BAALC: variants seen among roughly 807,000 people sequenced by gnomAD.
BAALC encodes the protein BAALC binder of MAP3K1 and KLF4, also known as brain and acute leukemia cytoplasmic protein.
Under a neutral mutation model 15.5 loss-of-function variants are expected in BAALC, and 9 were observed. The ratio of observed to expected loss-of-function variants is 0.58; its 90% CI spans 0.35 to 1.02. The LOEUF (loss-of-function observed/expected upper bound fraction) is 1.02, where lower values mean the gene tolerates loss of function less well. Among genes scored for constraint, BAALC ranks in the 50% least tolerant of loss-of-function variants. The pLI, the probability that BAALC is intolerant of heterozygous loss-of-function variation, is 0.02. For synonymous variants in BAALC, 80 were observed against 74.6 expected, an observed-to-expected ratio of 1.07 and a Z score of -0.37; for missense variants, 201 against 192.4, an observed-to-expected ratio of 1.04 and a Z score of -0.27.
chr8:103,196,543 A>T (rs1812102823), intron 1 of BAALC, among the ~76,000 whole-genome samples: 1 of 152,060 alleles, frequency 6.6e-6, no homozygotes, highest in Admixed American at 6.5e-5. Flanking sequence ...GACCTCCCAA[A>T]GTGTTAGGAT....
chr8:103,194,029 G>A (rs559920269), intron 1 of BAALC, among the ~76,000 whole-genome samples: 42 of 152,202 alleles, frequency 2.8e-4, no homozygotes, highest in African/African-American at 9.6e-4. Flanking sequence ...GCTTTGTCTC[G>A]CAAGAAAAAA....
At chr8:103,206,446 C>T (rs1048998072) in intron 1 of BAALC, among the ~76,000 whole-genome samples, 4 of 152,096 alleles carry the variant, frequency 2.6e-5, no homozygotes, top group Admixed American at 2.6e-4. Context: ...CCAAGACAAC[C>T]TGCAAGGAGG....
intron 1 of BAALC, among the ~76,000 whole-genome samples, chr8:103,164,186 C>G (rs969252766): frequency 6.6e-6 from 1 of 152,044 alleles, no homozygotes; most frequent in East Asian, 1.9e-4. Flanking sequence ...CCAGGAGGGG[C>G]CCCCAGTAGT....
intron 1 of BAALC, among the ~76,000 whole-genome samples, chr8:103,188,628 G>A (rs867557350): frequency 3.3e-5 from 5 of 152,178 alleles, no homozygotes; most frequent in African/African-American, 1.2e-4. Flanking sequence ...GAAATGTAGA[G>A]ATTTCTAAAG....
intron 1 of BAALC, among the ~76,000 whole-genome samples, chr8:103,193,297 A>T (rs916168625): frequency 6.6e-6 from 1 of 152,172 alleles, no homozygotes; most frequent in East Asian, 1.9e-4. Context: ...TCAACCTCTG[A>T]TCTCCTGGTT....
rs142852741 is a variant in BAALC, at chr8:103,187,349, T to A, written c.161-25570T>A. 2.7e-3 allele frequency among the ~76,000 whole-genome samples: 405 copies of A among 152,298 alleles called. 4 individuals are homozygous for A. Among genetic ancestry groups the A allele is most frequent in the African/African-American group, 9.3e-3 (386 of 41,564 alleles). On this transcript the variant is annotated intron_variant, in intron 1 of 2. Coordinates refer to ENST00000309982, the MANE Select transcript of BAALC (RefSeq NM_024812.3). Reference sequence around the variant, plus strand: ...TACAAGGTGGGAGTGGGGATGCTATTGGCATCCAGTCGGGTAGAGACCAGG... The same window carrying A: ...TACAAGGTGGGAGTGGGGATGCTATAGGCATCCAGTCGGGTAGAGACCAGG...
chr8:103,221,235 A>C (rs1812672354), intron 2 of BAALC, among the ~76,000 whole-genome samples: 1 of 152,334 alleles, frequency 6.6e-6, no homozygotes, highest in African/African-American at 2.4e-5. Flanking sequence ...TATCAAGAAG[A>C]CTAAAATCTA....
chr8:103,150,971 G>T (rs776949281), intron 1 of BAALC, among the ~76,000 whole-genome samples: 2 of 151,800 alleles, frequency 1.3e-5, no homozygotes, highest in Non-Finnish European at 2.9e-5. Context: ...CACCCTCCCT[G>T]CTACTTTGTT....
intron 1 of BAALC, among the ~76,000 whole-genome samples, chr8:103,154,055 G>C (rs1216088760): frequency 1.3e-5 from 2 of 152,110 alleles, no homozygotes; most frequent in Admixed American, 1.3e-4. Context: ...CACTTTTCAA[G>C]GGCAGTCTTC....
intron 1 of BAALC, among the ~76,000 whole-genome samples, chr8:103,162,011 A>G (rs1057404414): frequency 6.6e-6 from 1 of 152,068 alleles, no homozygotes; most frequent in Non-Finnish European, 1.5e-5. Flanking sequence ...CCCAGGCTGA[A>G]GCACAGTGAT....
intron 1 of BAALC, among the ~76,000 whole-genome samples, chr8:103,186,237 C>T (rs1811834620): frequency 6.6e-6 from 1 of 152,154 alleles, no homozygotes. Context: ...AAGGCACCTG[C>T]TAAGTGTCAG....
intron 1 of BAALC, among the ~76,000 whole-genome samples, chr8:103,194,856 C>T (rs1812057040): frequency 6.6e-6 from 1 of 152,146 alleles, no homozygotes; most frequent in African/African-American, 2.4e-5. Flanking sequence ...ACGCTAGTTT[C>T]CTTCGGCCCA....
intron 1 of BAALC, chr8:103,198,236 T>C (rs1199950132): frequency 1.6e-6 from 1 of 631,100 alleles, no homozygotes; most frequent in Non-Finnish European, 2.8e-6. Flanking sequence ...TCTGTTCTTA[T>C]GTATCATTAT....
At chr8:103,182,421 T>C (rs1811748182) in intron 1 of BAALC, among the ~76,000 whole-genome samples, 2 of 152,362 alleles carry the variant, frequency 1.3e-5, no homozygotes, top group South Asian at 2.1e-4. Context: ...CATGTGGTTA[T>C]ATACGGAACA....
intron 1 of BAALC, among the ~76,000 whole-genome samples, chr8:103,203,824 A>G (rs924136136): frequency 5.9e-5 from 9 of 152,336 alleles, no homozygotes; most frequent in Middle Eastern, 3.4e-3. Flanking sequence ...TTATTTATCT[A>G]TTCATCAATT....
intron 1 of BAALC, among the ~76,000 whole-genome samples, chr8:103,161,882 T>A (rs764208556): frequency 7.2e-5 from 11 of 152,182 alleles, no homozygotes; most frequent in Non-Finnish European, 1.5e-4. Flanking sequence ...TTGCCATCTT[T>A]TTATACAATT....
chr8:103,223,270 T>G (rs1812722241), intron 2 of BAALC, among the ~76,000 whole-genome samples: 1 of 152,170 alleles, frequency 6.6e-6, no homozygotes, highest in Non-Finnish European at 1.5e-5. Context: ...ATTGAGCCAC[T>G]GCACTCCAGC....
intron 1 of BAALC, among the ~76,000 whole-genome samples, chr8:103,178,271 G>A (rs557009373): frequency 1.3e-5 from 2 of 152,208 alleles, no homozygotes; most frequent in East Asian, 1.9e-4. Context: ...ACAGAAGGGC[G>A]ACATGAAGAA....
chr8:103,184,993 A>G (rs6468865), intron 1 of BAALC, among the ~76,000 whole-genome samples: 79,180 of 151,936 alleles, frequency 0.52, 20,797 homozygotes, highest in African/African-American at 0.58. Context: ...GGGCACGGTG[A>G]CATGATGGGC....
Sources: gnomAD v4.1 joint callset for allele counts (sites outside exome capture counted in the v4.1 genomes callset) on GRCh38, gnomAD v4.1.1 for gene constraint, MANE v1.5 for transcripts, NCBI Gene and HGNC (gene_info 2026-07-23, HGNC 2026-07-21) for gene names.